The following SMAD9 variants were observed in gnomAD, a reference collection of about 807,000 sequenced individuals.
The protein encoded by SMAD9 is MAD homolog 9.
SMAD9 carries 36 observed loss-of-function variants against 46.1 expected under a neutral mutation model. The observed-to-expected ratio is 0.78, with a 90% CI of 0.60 to 1.03. The LOEUF is 1.03. Among genes scored for constraint, SMAD9 ranks in the 50% least tolerant of loss-of-function variants. The pLI, the probability that SMAD9 is intolerant of heterozygous loss-of-function variation, is 0.00. For missense variants in SMAD9, 572 were observed against 599.8 expected (o/e 0.95, Z 0.48); for synonymous variants, 245 against 237.1 (o/e 1.03, Z -0.31).
intron 3 of SMAD9, among the ~76,000 whole-genome samples, chr13:36,870,809 T>C (rs1315484089): frequency 3.9e-5 from 6 of 152,132 alleles, no homozygotes. Context: ...TAGAACAATA[T>C]GCCAGCATCA....
intron 5 of SMAD9, among the ~76,000 whole-genome samples, chr13:36,856,054 A>C (rs2058120869): frequency 6.6e-6 from 1 of 152,140 alleles, no homozygotes; most frequent in South Asian, 2.1e-4. Context: ...CAGGGGGCAG[A>C]AGGATGGTCC....
chr13:36,879,358 T>C lies in SMAD9; in HGVS notation c.332A>G (p.Glu111Gly), dbSNP rs759074945. Residue 111 changes from glutamate to glycine, a missense_variant, in exon 2 of 7, where the codon GAG (glutamate) becomes GGG (glycine). Glu to Gly is a moderately conservative substitution (Grantham distance 98). Transcript: ENST00000379826. ...LQSHHELKPL[E>G]CCEFPFGSKQ... The stretch of plus-strand genomic sequence containing the variant: ...GGAGCCAAATGGGAACTCACAGCAC[T>C]CCAGCGGCTTCAGCTCGTGGTGGGA... The C allele has an allele frequency of 1.3e-5, 21 of 1,614,016 alleles. No homozygotes were observed. The highest frequency in any genetic ancestry group is 1.7e-5 in the Non-Finnish European group (20 of 1,180,044).
Position 36,902,459 on chromosome 13 carries a change from C to CT in SMAD9, c.-187+17656dup, listed in dbSNP as rs933954033. ...ATGCGAGTCCTTCAACTTTGTTCTT[C>CT]TTTTTTTTTTTTGAGATGGAGTCTT... On this transcript the variant is annotated intron_variant, in intron 1 of 6. Transcript: ENST00000379826. 3.2e-3 allele frequency among the ~76,000 whole-genome samples: 471 copies of CT among 144,966 alleles called. 2 individuals carry two copies. Among genetic ancestry groups the CT allele is most frequent in the African/African-American group, 8.5e-3 (338 of 39,834 alleles).
chr13:36,886,955 G>C (rs2058450504), intron 1 of SMAD9, among the ~76,000 whole-genome samples: 1 of 151,766 alleles, frequency 6.6e-6, no homozygotes, highest in Non-Finnish European at 1.5e-5. Flanking sequence ...TGAGGCAAGA[G>C]AAGACACGAG....
In SMAD9 at chr13:36,894,163, C is replaced by T. The variant is rs137886342; in HGVS notation, c.-186-14288G>A. Reference sequence around the variant, plus strand: ...ATTGGGCAACCACTATGGTTTGATACGGTTTGGCTGCATCCCCACCCAAAT... The same window carrying T: ...ATTGGGCAACCACTATGGTTTGATATGGTTTGGCTGCATCCCCACCCAAAT... On this transcript the variant is annotated intron_variant, in intron 1 of 6. Coordinates refer to ENST00000379826, the MANE Select transcript of SMAD9 (RefSeq NM_001127217.3). Among the ~76,000 whole-genome samples the T allele has an allele frequency of 5.4e-4, 82 of 152,236 alleles. 1 individual carries two copies. In the South Asian group the frequency reaches 8.5e-3, roughly 16 times the overall value.
intron 1 of SMAD9, among the ~76,000 whole-genome samples, chr13:36,919,331 G>A (rs969082295): frequency 6.6e-6 from 1 of 152,100 alleles, no homozygotes; most frequent in African/African-American, 2.4e-5. Flanking sequence ...TCCTGTATCT[G>A]CTTCCCACCT....
At chr13:36,905,831 A>G (rs1332549099) in intron 1 of SMAD9, among the ~76,000 whole-genome samples, 1 of 97,966 alleles carries the variant, frequency 1.0e-5, no homozygotes, top group African/African-American at 3.9e-5. Flanking sequence ...ATCCTTTGTT[A>G]TATTTTTTTA....
chr13:36,912,916 T>C (rs947735581), intron 1 of SMAD9, among the ~76,000 whole-genome samples: 2 of 152,132 alleles, frequency 1.3e-5, no homozygotes, highest in African/African-American at 4.8e-5. Context: ...GGGGATTCAG[T>C]CCAGAATCCC....
In SMAD9 at chr13:36,879,870, C is replaced by T. The variant is rs548838498; in HGVS notation, c.-181G>A. The T allele has an allele frequency of 4.0e-5, 25 of 628,912 alleles. No individual in the cohort carries two copies. Among genetic ancestry groups the T allele is most frequent in the African/African-American group, 3.7e-4 (20 of 54,588 alleles). The allele number at this position is 628,912 out of a possible 1,614,324, so 39.0% of individuals were successfully genotyped here. On this transcript the variant is annotated 5_prime_UTR_variant, in exon 2 of 7. Coordinates refer to ENST00000379826, the MANE Select transcript of SMAD9 (RefSeq NM_001127217.3). ...TCTCCTAAGCCCTTGAACAGGGTGG[C>T]CAACTCTGGAAAACACGACAAGACT...
intron 1 of SMAD9, among the ~76,000 whole-genome samples, chr13:36,885,365 GAAGA>G (rs1016989987): frequency 2.6e-5 from 4 of 151,512 alleles, no homozygotes; most frequent in African/African-American, 9.8e-5. Flanking sequence ...TACAACTTGA[GAAGA>G]AACTGGGCTT....
At chr13:36,856,711 A>C (rs1245542966) in intron 5 of SMAD9, among the ~76,000 whole-genome samples, 1 of 152,070 alleles carries the variant, frequency 6.6e-6, no homozygotes. Flanking sequence ...TGGTTCTTAA[A>C]CCTTAGCTTG....
chr13:36,897,849 C>CTTTTTTTTTTTTTTTTTTTTTTTTT (rs574741770), intron 1 of SMAD9, among the ~76,000 whole-genome samples: 1 of 90,020 alleles, frequency 1.1e-5, no homozygotes, highest in Non-Finnish European at 2.1e-5. Flanking sequence ...TGTCCTGTGT[C>CTTTTTTTTTTTTTTTTTTTTTTTTT]TTTTTTTTTT....
chr13:36,860,465 T>C (rs2058170184), intron 5 of SMAD9, among the ~76,000 whole-genome samples: 2 of 150,810 alleles, frequency 1.3e-5, no homozygotes, highest in South Asian at 2.1e-4. Context: ...TTTTTTTTTT[T>C]TTGAGATGGA....
chr13:36,909,859 T>C (rs1161537382), intron 1 of SMAD9, among the ~76,000 whole-genome samples: 2 of 152,186 alleles, frequency 1.3e-5, no homozygotes, highest in Non-Finnish European at 2.9e-5. Flanking sequence ...TTCTGTTTAT[T>C]CCTCCTGTAG....
chr13:36,870,133 G>A (rs1284292987), intron 3 of SMAD9, among the ~76,000 whole-genome samples: 1 of 152,170 alleles, frequency 6.6e-6, no homozygotes, highest in African/African-American at 2.4e-5. Flanking sequence ...AAACTAACCA[G>A]CTTCTGCATC....
At chr13:36,850,485 T>C (rs1182433675) in intron 6 of SMAD9, among the ~76,000 whole-genome samples, 1 of 152,192 alleles carries the variant, frequency 6.6e-6, no homozygotes, top group Non-Finnish European at 1.5e-5. Flanking sequence ...GTTCAAGCGA[T>C]TCTCCTGCCT....
chr13:36,874,089 C>T (rs944389267), intron 2 of SMAD9, among the ~76,000 whole-genome samples: 1 of 152,214 alleles, frequency 6.6e-6, no homozygotes, highest in African/African-American at 2.4e-5. Context: ...TACTCCAAAA[C>T]TGTTGTTGAA....
intron 1 of SMAD9, among the ~76,000 whole-genome samples, chr13:36,913,553 G>A (rs1191363177): frequency 3.3e-5 from 5 of 152,138 alleles, no homozygotes; most frequent in African/African-American, 1.2e-4. Context: ...AGAATATCTT[G>A]TAATAAAATT....
At chr13:36,860,923 T>C (rs1285649216) in intron 5 of SMAD9, among the ~76,000 whole-genome samples, 1 of 152,198 alleles carries the variant, frequency 6.6e-6, no homozygotes. Flanking sequence ...GCCCAAGGTA[T>C]TGCCTTTGAC....
Sources: gnomAD v4.1 joint callset for allele counts (sites outside exome capture counted in the v4.1 genomes callset) on GRCh38, gnomAD v4.1.1 for gene constraint, MANE v1.5 for transcripts, NCBI Gene and HGNC (gene_info 2026-07-23, HGNC 2026-07-21) for gene names.